Variants in DNASE1L2 observed in about 807,000 individuals in gnomAD.
The protein encoded by DNASE1L2 is deoxyribonuclease-1-like 2.
A neutral mutation model predicts 31.8 loss-of-function variants in DNASE1L2; 35 were observed. The observed-to-expected ratio is 1.10, with a 90% CI of 0.84 to 1.46. The LOEUF is 1.46. Among genes scored for constraint, DNASE1L2 ranks in the 40% most tolerant of loss-of-function variants. The probability of loss-of-function intolerance (pLI) is 0.00; values close to 1 mark genes in which losing one functional copy is unlikely to be tolerated. For synonymous variants in DNASE1L2, 211 were observed against 186.5 expected (o/e 1.13, Z -1.07); for missense variants, 504 against 418.8 (o/e 1.20, Z -1.77).
Position 2,237,817 on chromosome 16 carries a change from G to A in DNASE1L2, c.642G>A (p.Ala214=), listed in dbSNP as rs780511185. Residue 214 remains alanine, a synonymous_variant, in exon 6 of 7, where the codon GCG becomes GCA. Coordinates refer to ENST00000320700, the MANE Select transcript of DNASE1L2 (RefSeq NM_001374.3). ...ACGCCGACTGCAGCTATGTGCGGGC[G>A]CAGGACTGGGCCGCCATCCGTCTGA... ...DFNADCSYVR[A]QDWAAIRLRS... 6.2e-7 allele frequency: 1 copy of A among 1,611,046 alleles called. No individual in the cohort carries two copies. The highest frequency in any genetic ancestry group is 8.5e-7 in the Non-Finnish European group (1 of 1,179,242).
In DNASE1L2 at chr16:2,236,958, A is replaced by T; in HGVS notation, c.142A>T (p.Lys48Ter). The change falls in exon 2 of 7, where the codon AAG becomes TAG. Residue 48 changes from lysine (K) to a stop codon, truncating the protein, a stop_gained and splice_region_variant. Coordinates refer to ENST00000320700, the MANE Select transcript of DNASE1L2 (RefSeq NM_001374.3). LOFTEE classifies it high-confidence loss of function. ...CCCCGCTTGCGGCAGCATCATCGCG[A>T]AGGTGGGGCCCGGGCCGGGGCGGGG... ...SDPACGSIIA[K>*]ILAGYDLALV... The T allele has an allele frequency of 3.2e-6, 5 of 1,560,104 alleles. No individual in the cohort carries two copies. Among genetic ancestry groups the T allele is most frequent in the Non-Finnish European group, 2.6e-6 (3 of 1,152,532 alleles).
intron 6 of DNASE1L2, 38 bp downstream of exon 6, chr16:2,238,056 C>A: frequency 1.9e-6 from 3 of 1,557,132 alleles, no homozygotes; most frequent in East Asian, 2.4e-5. Context: ...CTTGGGTCCC[C>A]ACCGCCCGGG....
Position 2,237,758 on chromosome 16 carries a change from C to A in DNASE1L2, c.592-9C>A, listed in dbSNP as rs1175289998. The stretch of plus-strand genomic sequence containing the variant: ...CGGCGGCTCAGACACGGCTCCGCGG[C>A]GCCCGCAGGACATGCTGTTCCTGGG... On this transcript the variant is annotated splice_polypyrimidine_tract_variant and intron_variant, in intron 5 of 6. Coordinates refer to ENST00000320700, the MANE Select transcript of DNASE1L2 (RefSeq NM_001374.3). 1.2e-6 allele frequency: 2 copies of A among 1,600,064 alleles called. No individual in the cohort carries two copies. The highest frequency in any genetic ancestry group is 1.7e-6 in the Non-Finnish European group (2 of 1,173,624).
intron 6 of DNASE1L2, 30 bp from the exon 7 acceptor site, chr16:2,238,332 T>C: frequency 6.2e-7 from 1 of 1,612,858 alleles, no homozygotes; most frequent in Non-Finnish European, 8.5e-7. Context: ...GGGGTGCACT[T>C]TTCCCCTGAG....
Position 2,236,768 on chromosome 16 carries a change from G to C in DNASE1L2, c.-39-10G>C. 1 of 1,531,764 alleles carries C rather than the reference G, an allele frequency of 6.5e-7. No homozygotes were observed. Among genetic ancestry groups the C allele is most frequent in the East Asian group, 2.3e-5 (1 of 43,184 alleles). The allele number at this position is 1,531,764 out of a possible 1,614,324, so 94.9% of individuals were successfully genotyped here. ...GGTGGGTCGGTGGGTCTGACAGCGG[G>C]TCTGCGTAGGCGGCAGCGTCTGTCC... On this transcript the variant is annotated splice_polypyrimidine_tract_variant and intron_variant, in intron 1 of 6. Transcript: ENST00000320700.
intron 6 of DNASE1L2, 80 bp from the exon 7 acceptor site, chr16:2,238,282 G>C: frequency 6.3e-7 from 1 of 1,582,596 alleles, no homozygotes; most frequent in Non-Finnish European, 8.7e-7. Flanking sequence ...CAGCAGGGGT[G>C]GGCACCCAGG....
chr16:2,238,204 C>T (rs927798813), intron 6 of DNASE1L2, among the ~76,000 whole-genome samples, 158 bp from the exon 7 acceptor site: 1 of 151,924 alleles, frequency 6.6e-6, no homozygotes, highest in African/African-American at 2.4e-5. Flanking sequence ...GGGTACCTTG[C>T]CTTTCCCTCA....
rs1019563043 is a variant in DNASE1L2 at position 2,236,876 on chromosome 16, C to T, written c.60C>T (p.Ala20=). 1.9e-6 allele frequency: 3 copies of T among 1,597,932 alleles called. No individual in the cohort carries two copies. ...GGGCGCTGGAAGCCGCCGGGACCGCCGCGCTTCGCATCGGAGCCTTCAACA... is the reference window on the plus strand; with the variant it reads ...GGGCGCTGGAAGCCGCCGGGACCGCTGCGCTTCGCATCGGAGCCTTCAACA... ...ALWALEAAGT[A]ALRIGAFNIQ... is the part of the protein sequence containing the mutation. Residue 20 remains alanine (A), a synonymous_variant, in exon 2 of 7, where the codon GCC becomes GCT. Coordinates refer to ENST00000320700, the MANE Select transcript of DNASE1L2 (RefSeq NM_001374.3).
In DNASE1L2 at chr16:2,237,051, A is replaced by G. The variant is rs1269747605; in HGVS notation, c.158A>G (p.Tyr53Cys). Residue 53 changes from tyrosine (Y) to cysteine (C), a missense_variant, in exon 3 of 7, where the codon TAT becomes TGT. Tyr to Cys is a radical substitution (Grantham distance 194). Transcript: ENST00000320700. ...GCTCCTCCCCAGATCCTGGCTGGCT[A>G]TGACCTCGCGCTGGTGCAGGAGGTG... ...GSIIAKILAG[Y>C]DLALVQEVRD... is the part of the protein sequence containing the mutation. 5 of 1,549,334 alleles carry G rather than the reference A, an allele frequency of 3.2e-6. No individual in the cohort carries two copies. The highest frequency in any genetic ancestry group is 2.4e-5 in the South Asian group (2 of 84,122).
Position 2,237,613 on chromosome 16 carries a change from C to T in DNASE1L2, c.555C>T (p.Asp185=). ...TGGCGGAGATCGACGCGCTCTACGA[C>T]GTGTACCTGGACGTGATCGACAAGT... is the stretch of plus-strand genomic sequence containing the variant. The part of the protein sequence containing the change: ...QAVAEIDALY[D]VYLDVIDKWG... Residue 185 remains aspartate (D), a synonymous_variant, in exon 5 of 7, where the codon GAC becomes GAT. Transcript: ENST00000320700. The T allele has an allele frequency of 6.2e-7, 1 of 1,610,996 alleles. No homozygotes were observed. Among genetic ancestry groups the T allele is most frequent in the South Asian group, 1.1e-5 (1 of 90,886 alleles).
At position 2,236,841 on chromosome 16, in the gene DNASE1L2, G is replaced by A; in HGVS notation, c.25G>A (p.Ala9Thr). ...CATGGGCGGGCCCCGGGCTCTGCTGGCCGCACTCTGGGCGCTGGAAGCCGC... is the reference window on the plus strand; with the variant it reads ...CATGGGCGGGCCCCGGGCTCTGCTGACCGCACTCTGGGCGCTGGAAGCCGC... MGGPRALLAALWALEAAGT... is the reference protein window; with the variant it reads MGGPRALLTALWALEAAGT... The change falls in exon 2 of 7, where the codon GCC becomes ACC. Residue 9 changes from alanine to threonine, a missense_variant. Transcript: ENST00000320700. 6.3e-7 allele frequency: 1 copy of A among 1,599,106 alleles called. No homozygotes were observed. Among genetic ancestry groups the A allele is most frequent in the South Asian group, 1.1e-5 (1 of 89,368 alleles).
chr16:2,238,381 ACTTTC>A lies in DNASE1L2; in HGVS notation c.865_869del (p.Phe289SerfsTer99). 1 of 1,613,378 alleles carries A rather than the reference ACTTTC, an allele frequency of 6.2e-7. No homozygotes were observed. The highest frequency in any genetic ancestry group is 8.5e-7 in the Non-Finnish European group (1 of 1,179,950). ...CCACAGGCTCTTGCCATCAGCGACC[ACTTTC>A]CAGTGGAGGTGACCCTCAAGTTCCA... On this transcript the variant is annotated frameshift_variant, in exon 7 of 7. Coordinates refer to ENST00000320700, the MANE Select transcript of DNASE1L2 (RefSeq NM_001374.3). LOFTEE classifies it high-confidence loss of function.
chr16:2,237,317 C>G lies in DNASE1L2; in HGVS notation c.317+16C>G. The G allele has an allele frequency of 1.3e-6, 2 of 1,589,826 alleles. No individual in the cohort carries two copies. The highest frequency in any genetic ancestry group is 1.7e-6 in the Non-Finnish European group (2 of 1,169,340). On this transcript the variant is annotated intron_variant, in intron 4 of 6. Coordinates refer to ENST00000320700, the MANE Select transcript of DNASE1L2 (RefSeq NM_001374.3). ...TCGTGTACAGGTGAGGGGCGGGCCG[C>G]AGGGAGGGGCGCGCGGGGCCGCAGG...
At chr16:2,236,996 G>T (rs765266506) in intron 2 of DNASE1L2, 36 bp downstream of exon 2, 4 of 1,546,342 alleles carry the variant, frequency 2.6e-6, no homozygotes, top group Non-Finnish European at 3.5e-6. Context: ...GCGTTTAGGG[G>T]TGCTGACCGC....
In DNASE1L2 at chr16:2,237,404, T is replaced by C. The variant is rs1170151206; in HGVS notation, c.346T>C (p.Tyr116His). The C allele has an allele frequency of 1.2e-6, 2 of 1,601,188 alleles. No individual in the cohort carries two copies. Among genetic ancestry groups the C allele is most frequent in the African/African-American group, 2.7e-5 (2 of 74,750 alleles). ...AGACGCGGTGTCGGTCGTGGACACCTACCTGTACCCAGACCCCGAGGACGT... is the reference window on the plus strand; with the variant it reads ...AGACGCGGTGTCGGTCGTGGACACCCACCTGTACCCAGACCCCGAGGACGT... ...RKDAVSVVDT[Y>H]LYPDPEDVFS... The change falls in exon 5 of 7, where the codon TAC becomes CAC. Residue 116 changes from tyrosine (Y) to histidine (H), a missense_variant. Transcript: ENST00000320700.
At position 2,237,169 on chromosome 16, in the gene DNASE1L2, C is replaced by G. The variant is rs1352458446; in HGVS notation, c.233+43C>G. 6 of 1,549,106 alleles carry G rather than the reference C, an allele frequency of 3.9e-6. No homozygotes were observed. The South Asian group carries it at 4.7e-5, about 12-fold the overall frequency. On this transcript the variant is annotated intron_variant, in intron 3 of 6. Coordinates refer to ENST00000320700, the MANE Select transcript of DNASE1L2 (RefSeq NM_001374.3). The stretch of plus-strand genomic sequence containing the variant: ...CCTCGTCGCGACCCCCCGCCGGGAT[C>G]TCGCCCCGGCGCGGCGCCCCGACCC...
Position 2,236,961 on chromosome 16 carries a change from G to C in DNASE1L2, c.144+1G>C. ...CGCTTGCGGCAGCATCATCGCGAAG[G>C]TGGGGCCCGGGCCGGGGCGGGGCGG... On this transcript the variant is annotated splice_donor_variant, in intron 2 of 6. Transcript: ENST00000320700. LOFTEE classifies it high-confidence loss of function. The C allele has an allele frequency of 6.4e-7, 1 of 1,557,314 alleles. No individual in the cohort carries two copies.
rs1443458523 is a variant in DNASE1L2 at position 2,237,458 on chromosome 16, T to G, written c.400T>G (p.Phe134Val). ...VFSREPFVVK[F>V]SAPGTGERAP... ...CAGCCGCGAGCCCTTCGTGGTCAAG[T>G]TCTCGGCCCCCGGCACCGGTGAGCG... Residue 134 changes from phenylalanine (F) to valine (V), a missense_variant, in exon 5 of 7, where the codon TTC becomes GTC. Coordinates refer to ENST00000320700, the MANE Select transcript of DNASE1L2 (RefSeq NM_001374.3). The G allele has an allele frequency of 1.3e-6, 2 of 1,585,404 alleles. No homozygotes were observed. Among genetic ancestry groups the G allele is most frequent in the Admixed American group, 3.5e-5 (2 of 57,056 alleles).
chr16:2,238,147 G>A lies in DNASE1L2; in HGVS notation c.843+129G>A, dbSNP rs142049059. 13,209 of 1,447,494 alleles carry A rather than the reference G, an allele frequency of 9.1e-3. 79 individuals are homozygous for A. Among genetic ancestry groups the A allele is most frequent in the Non-Finnish European group, 0.011 (11,992 of 1,093,730 alleles). The allele number at this position is 1,447,494 out of a possible 1,614,324, so 89.7% of individuals were successfully genotyped here. ...TCCCTGCACCAGGGCTCGTTTCCAA[G>A]GACCCTGGAGAGCCCGGCCCACCCC... On this transcript the variant is annotated intron_variant, in intron 6 of 6. Transcript: ENST00000320700.
Sources: gnomAD v4.1 joint callset for allele counts (sites outside exome capture counted in the v4.1 genomes callset) on GRCh38, gnomAD v4.1.1 for gene constraint, MANE v1.5 for transcripts, NCBI Gene and HGNC (gene_info 2026-07-23, HGNC 2026-07-21) for gene names.